Variants in NBN observed in about 807,000 individuals in gnomAD.
The protein encoded by NBN is nibrin, also known as Nijmegen breakage syndrome 1 (nibrin).
A neutral mutation model predicts 90.8 loss-of-function variants in NBN; 88 were observed. The ratio of observed to expected loss-of-function variants is 0.97; its 90% CI spans 0.82 to 1.16. The LOEUF (loss-of-function observed/expected upper bound fraction) is 1.16. Among genes scored for constraint, NBN ranks in the 50% most tolerant of loss-of-function variants. The probability of loss-of-function intolerance (pLI) is 0.00; values close to 1 mark genes in which losing one functional copy is unlikely to be tolerated. For synonymous variants in NBN, 328 were observed against 295.1 expected, an observed-to-expected ratio of 1.11 and a Z score of -1.14; for missense variants, 894 against 869.6, an observed-to-expected ratio of 1.03 and a Z score of -0.35.
chr8:89,972,066 T>C (rs914176060), intron 5 of NBN, among the ~76,000 whole-genome samples: 1 of 152,060 alleles, frequency 6.6e-6, no homozygotes, highest in African/African-American at 2.4e-5. Context: ...GGGGACAATG[T>C]AGGGAGGGAG....
chr8:89,954,919 T>C (rs1046527168), intron 10 of NBN, among the ~76,000 whole-genome samples: 1 of 152,126 alleles, frequency 6.6e-6, no homozygotes. Context: ...GATCAATATA[T>C]TCAAAATATG....
At chr8:89,952,727 C>T (rs952904605) in intron 11 of NBN, among the ~76,000 whole-genome samples, 1 of 152,088 alleles carries the variant, frequency 6.6e-6, no homozygotes, top group South Asian at 2.1e-4. Flanking sequence ...AACAAATCTA[C>T]AGATAAGTCA....
At chr8:89,947,953 C>T in intron 11 of NBN, 61 bp from the exon 12 acceptor site, 1 of 1,005,080 alleles carries the variant, frequency 9.9e-7, no homozygotes, top group Non-Finnish European at 1.5e-6. Flanking sequence ...GTTTCTATCA[C>T]TTCTTGGCCT....
intron 14 of NBN, among the ~76,000 whole-genome samples, chr8:89,939,335 T>C (rs1049294336): frequency 1.3e-5 from 2 of 152,082 alleles, no homozygotes; most frequent in Middle Eastern, 3.2e-3. Context: ...AAGTCTGTTA[T>C]AGAGTAAGTC....
At chr8:89,946,744 G>A (rs999149046) in intron 12 of NBN, 1 of 166,274 alleles carries the variant, frequency 6.0e-6, no homozygotes, top group East Asian at 1.7e-4. Flanking sequence ...TCAAGAGTTT[G>A]TATCTTTTAT....
At chr8:89,972,515 G>C (rs1811564225) in intron 5 of NBN, among the ~76,000 whole-genome samples, 1 of 152,198 alleles carries the variant, frequency 6.6e-6, no homozygotes, top group Non-Finnish European at 1.5e-5. Context: ...ACAGAGAACA[G>C]TGGAAACTAT....
At chr8:89,944,580 A>G (rs1810103112) in intron 13 of NBN, among the ~76,000 whole-genome samples, 2 of 152,044 alleles carry the variant, frequency 1.3e-5, no homozygotes, top group Non-Finnish European at 2.9e-5. Context: ...CTTTTCACCA[A>G]CCCGCAAGTT....
intron 5 of NBN, among the ~76,000 whole-genome samples, chr8:89,976,257 A>C (rs1488058690): frequency 6.6e-6 from 1 of 152,214 alleles, no homozygotes; most frequent in Non-Finnish European, 1.5e-5. Flanking sequence ...TACAGGCGTG[A>C]GCCACCAGGG....
chr8:89,956,429 G>C (rs1009538368), intron 9 of NBN, among the ~76,000 whole-genome samples: 3 of 151,862 alleles, frequency 2.0e-5, no homozygotes, highest in African/African-American at 7.3e-5. Context: ...TAATATAAAA[G>C]TGCTAACCCC....
At chr8:89,983,760 G>A (rs1171506448) in intron 1 of NBN, among the ~76,000 whole-genome samples, 3 of 152,126 alleles carry the variant, frequency 2.0e-5, no homozygotes, top group African/African-American at 7.2e-5. Flanking sequence ...GTGGCAGGGA[G>A]ATTAGGGCAG....
intron 11 of NBN, among the ~76,000 whole-genome samples, chr8:89,949,534 C>G (rs1810346547): frequency 6.6e-6 from 1 of 152,086 alleles, no homozygotes; most frequent in Admixed American, 6.6e-5. Context: ...TTTATAGAGA[C>G]TGGGAAACTG....
At chr8:89,955,704 A>G (rs1358869917) in intron 9 of NBN, 149 bp from the exon 10 acceptor site, 2 of 898,446 alleles carry the variant, frequency 2.2e-6, no homozygotes, top group Non-Finnish European at 3.3e-6. Context: ...TACCATCCCA[A>G]GAAAGCAACT....
intron 10 of NBN, 122 bp downstream of exon 10, chr8:89,955,160 CA>C: frequency 4.1e-6 from 4 of 972,316 alleles, no homozygotes; most frequent in Non-Finnish European, 4.7e-6. Flanking sequence ...GGAAAGCGGT[CA>C]AAAAGCTGCA....
At chr8:89,942,468 A>G (rs982607370) in intron 14 of NBN, among the ~76,000 whole-genome samples, 2 of 152,232 alleles carry the variant, frequency 1.3e-5, no homozygotes, top group Non-Finnish European at 2.9e-5. Flanking sequence ...ATCAGCTCAT[A>G]TTCAAAAATC....
intron 14 of NBN, among the ~76,000 whole-genome samples, chr8:89,940,097 T>C (rs1809870066): frequency 6.6e-6 from 1 of 152,064 alleles, no homozygotes; most frequent in African/African-American, 2.4e-5. Flanking sequence ...TTATTATTAT[T>C]ATTTTTGAGA....
intron 14 of NBN, among the ~76,000 whole-genome samples, chr8:89,938,570 T>C (rs1298513303): frequency 6.6e-6 from 1 of 152,114 alleles, no homozygotes; most frequent in Non-Finnish European, 1.5e-5. Context: ...TAACAGAGAC[T>C]TAGGTTAGGT....
intron 1 of NBN, 104 bp downstream of exon 1, chr8:89,984,421 G>A: frequency 9.1e-7 from 1 of 1,097,714 alleles, no homozygotes; most frequent in Non-Finnish European, 1.4e-6. Context: ...CTTCCGCAGC[G>A]TCCCCGGGCA....
At chr8:89,938,892 T>C (rs1219148357) in intron 14 of NBN, among the ~76,000 whole-genome samples, 2 of 152,188 alleles carry the variant, frequency 1.3e-5, no homozygotes, top group Non-Finnish European at 2.9e-5. Flanking sequence ...AGAGGTTGCC[T>C]GGGGAATAAA....
chr8:89,966,157 TA>T (rs1176321732), intron 7 of NBN, among the ~76,000 whole-genome samples: 2 of 152,192 alleles, frequency 1.3e-5, no homozygotes, highest in Non-Finnish European at 2.9e-5. Context: ...AACAGTGAGA[TA>T]AATGTGGCCA....
Sources: gnomAD v4.1 joint callset for allele counts (sites outside exome capture counted in the v4.1 genomes callset) on GRCh38, gnomAD v4.1.1 for gene constraint, MANE v1.5 for transcripts, NCBI Gene and HGNC (gene_info 2026-07-23, HGNC 2026-07-21) for gene names.